The following DHRS3 variants were observed in gnomAD, a reference collection of about 807,000 sequenced individuals.
The protein encoded by DHRS3 is dehydrogenase/reductase 3.
Under a neutral mutation model 27.2 loss-of-function variants are expected in DHRS3, and 14 were observed. That is an observed-to-expected ratio of 0.52 (90% CI 0.34 to 0.81). The LOEUF is 0.81. DHRS3 is among the 30% of genes least tolerant of loss of function. The pLI is 0.01. For missense variants in DHRS3, 322 were observed against 406.2 expected, an observed-to-expected ratio of 0.79 and a Z score of 1.78; for synonymous variants, 165 against 175.9, an observed-to-expected ratio of 0.94 and a Z score of 0.49.
rs1025351278 is a variant in DHRS3 at position 12,592,494 on chromosome 1, G to A, written c.196-11828C>T. Among the ~76,000 whole-genome samples, 3 of 152,156 alleles carry A rather than the reference G, an allele frequency of 2.0e-5. No homozygotes were observed. Among genetic ancestry groups the A allele is most frequent in the African/African-American group, 2.4e-5 (1 of 41,436 alleles). ...ATGGAAGCAGAGACGGCAGTGAGGC[G>A]GCCACAAGCCACGCGATGCCAGGAG... On this transcript the variant is annotated intron_variant, in intron 1 of 5. Coordinates refer to ENST00000616661, the MANE Select transcript of DHRS3 (RefSeq NM_004753.7). This position sits in a 1 kb window ranked among gnomAD's most constrained non-coding sequence, Gnocchi z 4.2.
At chr1:12,572,692 T>A in intron 5 of DHRS3, 36 bp downstream of exon 5, 3 of 1,559,792 alleles carry the variant, frequency 1.9e-6, no homozygotes, top group Non-Finnish European at 2.6e-6. Flanking sequence ...ATGCGTACTT[T>A]CCCCTGACCC....
chr1:12,580,754 C>A, intron 1 of DHRS3, 88 bp from the exon 2 acceptor site: 2 of 1,490,296 alleles, frequency 1.3e-6, no homozygotes, highest in South Asian at 1.3e-5. Flanking sequence ...GATTTAAAGT[C>A]ATTTGTCTTG....
At chr1:12,595,792 AGGGTAGGTG>A (rs1646791624) in intron 1 of DHRS3, among the ~76,000 whole-genome samples, 1 of 126,036 alleles carries the variant, frequency 7.9e-6, no homozygotes, top group South Asian at 2.7e-4. Flanking sequence ...GGGAGGGGAC[AGGGTAGGTG>A]GCTGCAGAAG....
Position 12,617,352 on chromosome 1 carries a change from C to T in DHRS3, c.-4G>A, listed in dbSNP as rs1646951269. The T allele has an allele frequency of 1.9e-6, 3 of 1,596,614 alleles. No individual in the cohort carries two copies. The highest frequency in any genetic ancestry group is 3.3e-4 in the Middle Eastern group (2 of 6,034). On this transcript the variant is annotated 5_prime_UTR_variant, in exon 1 of 6. Transcript: ENST00000616661. Reference sequence around the variant, plus strand: ...CGCCCAGCCGTTTCCACACCATCCTCCGCGCCGCGGAGCCGGGCAGGGGGC... The same window carrying T: ...CGCCCAGCCGTTTCCACACCATCCTTCGCGCCGCGGAGCCGGGCAGGGGGC...
chr1:12,580,353 C>T (rs951290521), intron 2 of DHRS3, 170 bp downstream of exon 2: 12 of 796,384 alleles, frequency 1.5e-5, no homozygotes, highest in African/African-American at 1.0e-4. Flanking sequence ...AACCCTAATC[C>T]CTGCCTATGT....
chr1:12,615,857 C>T (rs1402582730), intron 1 of DHRS3, among the ~76,000 whole-genome samples: 2 of 152,186 alleles, frequency 1.3e-5, no homozygotes, highest in East Asian at 3.8e-4. Context: ...TTCCCAACTC[C>T]CCCTCCAAAT....
At chr1:12,604,594 C>T (rs1490748014) in intron 1 of DHRS3, among the ~76,000 whole-genome samples, 2 of 152,230 alleles carry the variant, frequency 1.3e-5, no homozygotes, top group Non-Finnish European at 2.9e-5. Context: ...TACTTAACAG[C>T]TTGTCTCTTG....
intron 4 of DHRS3, among the ~76,000 whole-genome samples, chr1:12,577,139 CAGA>C (rs1333895576): frequency 2.0e-5 from 3 of 152,050 alleles, no homozygotes; most frequent in African/African-American, 7.2e-5. Flanking sequence ...AATATATAAT[CAGA>C]AGGTGAAGCA....
chr1:12,584,101 G>A (rs1179320192), intron 1 of DHRS3, among the ~76,000 whole-genome samples: 1 of 152,156 alleles, frequency 6.6e-6, no homozygotes, highest in Non-Finnish European at 1.5e-5. Context: ...CATGGGGCTT[G>A]CACAGTCCCC....
chr1:12,586,712 G>C lies in DHRS3; in HGVS notation c.196-6046C>G, dbSNP rs1646699575. On this transcript the variant is annotated intron_variant, in intron 1 of 5. Transcript: ENST00000616661. The surrounding 1 kb of genome is among the most constrained non-coding windows in gnomAD (Gnocchi z 5.0). ...GATAAGGAAACTGCAGTTCAGAGAG[G>C]CTAAGCAACTCGTCTGAGGTCACAC... Among the ~76,000 whole-genome samples the C allele has an allele frequency of 6.6e-6, 1 of 152,184 alleles. No homozygotes were observed. The highest frequency in any genetic ancestry group is 1.5e-5 in the Non-Finnish European group (1 of 68,034).
At chr1:12,601,204 G>A (rs948404112) in intron 1 of DHRS3, among the ~76,000 whole-genome samples, 2 of 151,952 alleles carry the variant, frequency 1.3e-5, no homozygotes, top group African/African-American at 2.4e-5. Flanking sequence ...CCGACCTCCC[G>A]ACTCCCAAAC....
intron 4 of DHRS3, among the ~76,000 whole-genome samples, chr1:12,575,431 A>G (rs1646577479): frequency 6.6e-6 from 1 of 152,154 alleles, no homozygotes; most frequent in Admixed American, 6.5e-5. Context: ...TGTCCTAAAC[A>G]TGTCTTCACA....
chr1:12,582,591 T>C (rs1311675875), intron 1 of DHRS3, among the ~76,000 whole-genome samples: 2 of 152,116 alleles, frequency 1.3e-5, no homozygotes, highest in Non-Finnish European at 2.9e-5. Context: ...GAGGTTCAGT[T>C]CATGGAAAAG....
intron 1 of DHRS3, among the ~76,000 whole-genome samples, chr1:12,588,364 G>A (rs988390977): frequency 6.6e-6 from 1 of 152,180 alleles, no homozygotes; most frequent in Non-Finnish European, 1.5e-5. Flanking sequence ...CCCTCGAGGT[G>A]GGTATGTTTA....
intron 1 of DHRS3, among the ~76,000 whole-genome samples, chr1:12,590,968 C>G (rs1250992210): frequency 6.6e-6 from 1 of 152,192 alleles, no homozygotes; most frequent in African/African-American, 2.4e-5. Context: ...ACAATCCAGT[C>G]TGCATGCTGT....
At chr1:12,577,436 C>G (rs1646599615) in intron 4 of DHRS3, among the ~76,000 whole-genome samples, 1 of 152,210 alleles carries the variant, frequency 6.6e-6, no homozygotes, top group Non-Finnish European at 1.5e-5. Context: ...GGAGTCACCA[C>G]CCCAGGTGGC....
chr1:12,569,203 G>T (rs907762635), intron 5 of DHRS3, among the ~76,000 whole-genome samples: 8 of 1,562 alleles, frequency 5.1e-3, no homozygotes, highest in Admixed American at 0.037. Context: ...GGCGACAAGA[G>T]TAAAACTCTG....
chr1:12,617,337 T>C lies in DHRS3; in HGVS notation c.12A>G (p.Lys4=), dbSNP rs767597679. The C allele has an allele frequency of 4.7e-5, 76 of 1,600,046 alleles. 2 individuals are homozygous for C. In the South Asian group the frequency reaches 7.3e-4, roughly 15 times the overall value. The stretch of plus-strand genomic sequence containing the variant: ...GGAACATCACCAGCGCGCCCAGCCG[T>C]TTCCACACCATCCTCCGCGCCGCGG... MVW[K]RLGALVMFPL... is the part of the protein sequence containing the mutation. The change falls in exon 1 of 6, where the codon AAA becomes AAG. Residue 4 remains lysine (K), a synonymous_variant. Coordinates refer to ENST00000616661, the MANE Select transcript of DHRS3 (RefSeq NM_004753.7).
intron 1 of DHRS3, among the ~76,000 whole-genome samples, chr1:12,612,833 T>C (rs1370005768): frequency 6.6e-6 from 1 of 151,752 alleles, no homozygotes; most frequent in Admixed American, 6.6e-5. Context: ...CTGAGGCAGG[T>C]GGATCACCTG....
Sources: allele counts gnomAD v4.1 joint callset (sites outside exome capture counted in the v4.1 genomes callset), GRCh38; gene constraint gnomAD v4.1.1; non-coding constraint Gnocchi (gnomAD v3.1); transcripts MANE v1.5; gene names NCBI Gene and HGNC (gene_info 2026-07-23, HGNC 2026-07-21).